SHISA9: variants seen among roughly 807,000 people sequenced by gnomAD.
The protein encoded by SHISA9 is shisa family member 9.
SHISA9 carries 13 observed loss-of-function variants against 38.0 expected under a neutral mutation model. That is an observed-to-expected ratio of 0.34 (90% CI 0.22 to 0.54). The LOEUF is 0.54. Among genes scored for constraint, SHISA9 ranks in the 20% least tolerant of loss-of-function variants. The pLI is 0.91. For synonymous variants in SHISA9, 275 were observed against 242.0 expected, an observed-to-expected ratio of 1.14 and a Z score of -1.27; for missense variants, 538 against 575.8, an observed-to-expected ratio of 0.93 and a Z score of 0.67.
the SHISA9 span, among the ~76,000 whole-genome samples, chr16:13,309,499 T>A: frequency 1.3e-4 from 19 of 151,706 alleles, no homozygotes; most frequent in Middle Eastern, 3.4e-3. Context: ...AAAAATCAGC[T>A]AGGTGTGGTG....
At chr16:13,443,592 A>C in the SHISA9 span, among the ~76,000 whole-genome samples, 139 of 152,256 alleles carry the variant, frequency 9.1e-4, 1 homozygote, top group African/African-American at 3.2e-3. Flanking sequence ...CCCTCTGATC[A>C]ATTTTATGTC....
At chr16:13,007,081 G>T (rs2072607323) in intron 2 of SHISA9, among the ~76,000 whole-genome samples, 1 of 152,052 alleles carries the variant, frequency 6.6e-6, no homozygotes, top group African/African-American at 2.4e-5. Flanking sequence ...CTATTCATGT[G>T]CCAGTGTATT....
chr16:13,087,127 C>T (rs1485108012), intron 2 of SHISA9, among the ~76,000 whole-genome samples: 15 of 149,926 alleles, frequency 1.0e-4, no homozygotes, highest in Middle Eastern at 3.3e-3. Context: ...TCCATGTCCC[C>T]GCAAAGGACA....
At chr16:13,195,179 G>A (rs1040422904) in intron 2 of SHISA9, among the ~76,000 whole-genome samples, 2 of 152,156 alleles carry the variant, frequency 1.3e-5, no homozygotes, top group Non-Finnish European at 2.9e-5. Flanking sequence ...AATGAACCAG[G>A]CTCCTTGAAG....
the SHISA9 span, among the ~76,000 whole-genome samples, chr16:13,383,621 C>A: frequency 6.6e-6 from 1 of 152,078 alleles, no homozygotes. Flanking sequence ...ATTGCACCAG[C>A]CACAATTATG....
intron 2 of SHISA9, among the ~76,000 whole-genome samples, chr16:13,071,022 G>A (rs7184575): frequency 6.6e-6 from 1 of 152,122 alleles, no homozygotes; most frequent in African/African-American, 2.4e-5. Flanking sequence ...AGTTTGAGGA[G>A]CTCTGAAGTC....
chr16:12,959,005 A>G (rs1355176995), intron 2 of SHISA9, among the ~76,000 whole-genome samples: 2 of 152,196 alleles, frequency 1.3e-5, no homozygotes, highest in African/African-American at 2.4e-5. Flanking sequence ...ACACAAGACA[A>G]TGTCAGAAAG....
intron 2 of SHISA9, among the ~76,000 whole-genome samples, chr16:13,098,306 T>C (rs1304113215): frequency 6.6e-6 from 1 of 152,220 alleles, no homozygotes; most frequent in African/African-American, 2.4e-5. Flanking sequence ...CGAATCCCAT[T>C]CAGGGATTCA....
At chr16:13,489,150 G>A in the SHISA9 span, among the ~76,000 whole-genome samples, 3 of 151,500 alleles carry the variant, frequency 2.0e-5, no homozygotes, top group Non-Finnish European at 2.9e-5. Context: ...GGGTTCAAGC[G>A]ATTCTCCTGC....
At chr16:13,312,392 T>G in the SHISA9 span, among the ~76,000 whole-genome samples, 1 of 152,182 alleles carries the variant, frequency 6.6e-6, no homozygotes, top group South Asian at 2.1e-4. Flanking sequence ...TAATATAAAC[T>G]AATCCTCCTG....
At chr16:13,190,813 G>C (rs1362980084) in intron 2 of SHISA9, among the ~76,000 whole-genome samples, 1 of 152,082 alleles carries the variant, frequency 6.6e-6, no homozygotes, top group Non-Finnish European at 1.5e-5. Context: ...CATCCTAAAT[G>C]GTTCAAATTT....
At chr16:12,977,707 T>G (rs1258794475) in intron 2 of SHISA9, among the ~76,000 whole-genome samples, 1 of 151,808 alleles carries the variant, frequency 6.6e-6, no homozygotes, top group Non-Finnish European at 1.5e-5. Flanking sequence ...CTCAGCAAAC[T>G]AATGCAGGAA....
the SHISA9 span, among the ~76,000 whole-genome samples, chr16:13,472,376 A>ATTTTTTTTT: frequency 1.8e-5 from 2 of 113,436 alleles, no homozygotes; most frequent in African/African-American, 7.1e-5. Context: ...CGCTCTGCTA[A>ATTTTTTTTT]ATTTTTTTTT....
At chr16:13,449,951 C>A in the SHISA9 span, among the ~76,000 whole-genome samples, 1 of 152,070 alleles carries the variant, frequency 6.6e-6, no homozygotes, top group Admixed American at 6.6e-5. Context: ...CCTGTCTCTA[C>A]TAAAAATACA....
At chr16:12,925,846 CT>C (rs1007149799) in intron 2 of SHISA9, among the ~76,000 whole-genome samples, 1 of 152,008 alleles carries the variant, frequency 6.6e-6, no homozygotes, top group Admixed American at 6.6e-5. Context: ...AAAACAATTG[CT>C]TTTTTTCTGT....
At chr16:13,247,623 T>C in the SHISA9 span, among the ~76,000 whole-genome samples, 2 of 152,244 alleles carry the variant, frequency 1.3e-5, no homozygotes, top group Non-Finnish European at 2.9e-5. Context: ...AAGAAAAATG[T>C]CTTCACTGTC....
the SHISA9 span, among the ~76,000 whole-genome samples, chr16:13,405,491 T>C: frequency 3.3e-5 from 5 of 152,198 alleles, no homozygotes; most frequent in Non-Finnish European, 7.3e-5. Context: ...CAACATTTAT[T>C]TTAGGTTTGG....
the SHISA9 span, among the ~76,000 whole-genome samples, chr16:13,457,193 C>T: frequency 6.6e-6 from 1 of 152,204 alleles, no homozygotes; most frequent in African/African-American, 2.4e-5. Flanking sequence ...GTAAACTCAG[C>T]TACTCAGGAG....
chr16:13,507,031 A>C, the SHISA9 span, among the ~76,000 whole-genome samples: 1 of 152,016 alleles, frequency 6.6e-6, no homozygotes, highest in East Asian at 1.9e-4. Flanking sequence ...TAACAGAACA[A>C]GATCCTGTCT....
Sources: gnomAD v4.1 joint callset for allele counts (sites outside exome capture counted in the v4.1 genomes callset) on GRCh38, gnomAD v4.1.1 for gene constraint, MANE v1.5 for transcripts, NCBI Gene and HGNC (gene_info 2026-07-23, HGNC 2026-07-21) for gene names.